PHF14: variants seen among roughly 807,000 people sequenced by gnomAD.
PHF14 encodes the protein PHD finger protein 14.
A neutral mutation model predicts 117.9 loss-of-function variants in PHF14; 55 were observed. The observed-to-expected ratio is 0.47, with a 90% confidence interval of 0.38 to 0.58. The LOEUF is 0.58. Among genes scored for constraint, PHF14 ranks in the 20% least tolerant of loss-of-function variants. The pLI is 0.00. For missense variants in PHF14, 978 were observed against 1,122.2 expected (o/e 0.87, Z 1.84); for synonymous variants, 409 against 368.6 (o/e 1.11, Z -1.26).
At chr7:11,097,622 G>A (rs1442852891) in intron 16 of PHF14, among the ~76,000 whole-genome samples, 1 of 152,150 alleles carries the variant, frequency 6.6e-6, no homozygotes, top group African/African-American at 2.4e-5. Flanking sequence ...TGCAGCTATT[G>A]TTTGAATACT....
At chr7:11,076,765 G>T (rs564124559) in intron 16 of PHF14, among the ~76,000 whole-genome samples, 1 of 151,226 alleles carries the variant, frequency 6.6e-6, no homozygotes, top group East Asian at 1.9e-4. Flanking sequence ...ATGGGGTTTT[G>T]CAATGTTGTC....
At chr7:11,158,471 C>G (rs1788928547) in intron 17 of PHF14, among the ~76,000 whole-genome samples, 1 of 152,062 alleles carries the variant, frequency 6.6e-6, no homozygotes, top group Non-Finnish European at 1.5e-5. Flanking sequence ...TGATGTTAGC[C>G]TTGGTCCATC....
Position 11,035,630 on chromosome 7 carries a change from C to G in PHF14, c.1456-10C>G. 7.8e-6 allele frequency: 12 copies of G among 1,547,316 alleles called. No individual in the cohort carries two copies. The highest frequency in any genetic ancestry group is 9.6e-6 in the Non-Finnish European group (11 of 1,141,924). On this transcript the variant is annotated splice_polypyrimidine_tract_variant and intron_variant, in intron 7 of 17. Transcript: ENST00000634607. ...AATGTTCACTATTTTTCTGTGCTTTCTTTGTATAGGATATAGCAGATCCAT... is the reference window on the plus strand; with the variant it reads ...AATGTTCACTATTTTTCTGTGCTTTGTTTGTATAGGATATAGCAGATCCAT...
intron 16 of PHF14, chr7:11,104,483 A>G: frequency 3.1e-6 from 3 of 981,008 alleles, no homozygotes; most frequent in Non-Finnish European, 3.6e-6. Context: ...TGTGTGCTTA[A>G]GAAAATATGT....
intron 16 of PHF14, among the ~76,000 whole-genome samples, chr7:11,073,007 A>G (rs975304458): frequency 1.8e-4 from 27 of 152,214 alleles, no homozygotes; most frequent in African/African-American, 6.3e-4. Context: ...ACCTCCCACC[A>G]GGCCCACCTC....
chr7:11,104,944 T>A, intron 16 of PHF14: 1 of 959,834 alleles, frequency 1.0e-6, no homozygotes, highest in Middle Eastern at 5.3e-4. Context: ...AACATCTCCT[T>A]AAAAGGTCCC....
At chr7:11,149,380 A>G (rs575657168) in intron 17 of PHF14, among the ~76,000 whole-genome samples, 31 of 152,280 alleles carry the variant, frequency 2.0e-4, no homozygotes, top group African/African-American at 6.5e-4. Flanking sequence ...CCAATTGGCT[A>G]TGGGACCCTG....
At chr7:11,089,110 G>A (rs901608702) in intron 16 of PHF14, among the ~76,000 whole-genome samples, 7 of 150,416 alleles carry the variant, frequency 4.7e-5, no homozygotes, top group East Asian at 1.9e-4. Context: ...AAAAAAAACC[G>A]TAGCCCTGAT....
intron 4 of PHF14, among the ~76,000 whole-genome samples, chr7:10,998,517 TTAATA>T (rs1265662758): frequency 6.6e-6 from 1 of 152,174 alleles, no homozygotes; most frequent in Non-Finnish European, 1.5e-5. Flanking sequence ...AAAGAGCTCA[TTAATA>T]TAAATATATT....
chr7:11,145,459 T>C (rs1249619682), intron 17 of PHF14, among the ~76,000 whole-genome samples: 1 of 152,034 alleles, frequency 6.6e-6, no homozygotes, highest in Non-Finnish European at 1.5e-5. Flanking sequence ...AATGAGCAAA[T>C]CTCCAAATTC....
chr7:11,122,352 T>TATAC lies in PHF14; in HGVS notation c.2772+10886_2772+10887insTACA. 4.7e-3 allele frequency among the ~76,000 whole-genome samples: 307 copies of TATAC among 65,856 alleles called. 10 individuals carry two copies. The highest frequency in any genetic ancestry group is 0.013 in the African/African-American group (176 of 13,748). The allele number at this position is 65,856 out of a possible 152,430, so 43.2% of individuals were successfully genotyped here. ...CTTTTTATATATATATATATATATA[T>TATAC]ACACACACACACACACACACACACA... On this transcript the variant is annotated intron_variant, in intron 17 of 17. Coordinates refer to ENST00000634607, the MANE Select transcript of PHF14 (RefSeq NM_001007157.2).
intron 17 of PHF14, among the ~76,000 whole-genome samples, chr7:11,150,753 A>G (rs1036872825): frequency 6.6e-6 from 1 of 152,196 alleles, no homozygotes; most frequent in Admixed American, 6.5e-5. Context: ...GAAATATGTA[A>G]CAAATTAATT....
intron 4 of PHF14, among the ~76,000 whole-genome samples, chr7:10,992,138 C>CTT (rs1782481185): frequency 6.6e-6 from 1 of 151,776 alleles, no homozygotes; most frequent in Non-Finnish European, 1.5e-5. Context: ...ACTGCAACCT[C>CTT]TGCCTCCCAG....
intron 17 of PHF14, among the ~76,000 whole-genome samples, chr7:11,124,779 T>G (rs1442515228): frequency 6.6e-6 from 1 of 152,162 alleles, no homozygotes; most frequent in East Asian, 1.9e-4. Flanking sequence ...TTGTAAGAGA[T>G]TCTCAAATTA....
intron 17 of PHF14, among the ~76,000 whole-genome samples, chr7:11,149,927 A>G (rs1788659265): frequency 6.6e-6 from 1 of 152,084 alleles, no homozygotes. Context: ...CTAAAACAAG[A>G]TTAAATAATA....
At chr7:10,988,842 C>T (rs199535251) in intron 3 of PHF14, among the ~76,000 whole-genome samples, 3 of 151,970 alleles carry the variant, frequency 2.0e-5, no homozygotes, top group East Asian at 3.9e-4. Context: ...TTATTTTTAT[C>T]GCCATTTTGC....
At chr7:11,018,997 A>G (rs1783630209) in intron 5 of PHF14, among the ~76,000 whole-genome samples, 1 of 152,152 alleles carries the variant, frequency 6.6e-6, no homozygotes, top group South Asian at 2.1e-4. Context: ...TGAAATGATC[A>G]TATGGTTTTT....
At chr7:11,129,905 C>A (rs1788045598) in intron 17 of PHF14, among the ~76,000 whole-genome samples, 1 of 151,644 alleles carries the variant, frequency 6.6e-6, no homozygotes, top group Admixed American at 6.6e-5. Context: ...CAGCACCAAG[C>A]AAAAAGAGAT....
At position 11,012,865 on chromosome 7, in the gene PHF14, A is replaced by G. The variant is rs76780745; in HGVS notation, c.1046-882A>G. On this transcript the variant is annotated intron_variant, in intron 4 of 17. Transcript: ENST00000634607. ...GATTAAATACATCATAGAGTTAGAG[A>G]TTGGCTCAGTTGTGCATGGAACTCA... Among the ~76,000 whole-genome samples, 24 of 152,310 alleles carry G rather than the reference A, an allele frequency of 1.6e-4. 1 individual carries two copies. In the East Asian group the frequency reaches 4.6e-3, roughly 29 times the overall value.
Sources: allele counts gnomAD v4.1 joint callset (sites outside exome capture counted in the v4.1 genomes callset), GRCh38; gene constraint gnomAD v4.1.1; transcripts MANE v1.5; gene names NCBI Gene and HGNC (gene_info 2026-07-23, HGNC 2026-07-21).